SYNE1: variants seen among roughly 807,000 people sequenced by gnomAD.
SYNE1 encodes nesprin-1.
In SYNE1, 616 loss-of-function variants were observed where a neutral mutation model predicts 1,111.0. That is an observed-to-expected ratio of 0.55 (90% CI 0.52 to 0.59). SYNE1 has a LOEUF of 0.59. SYNE1 is among the 20% of genes least tolerant of loss of function. The pLI, the probability that SYNE1 is intolerant of heterozygous loss-of-function variation, is 0.00. For missense variants in SYNE1, 10,006 were observed against 10,417.0 expected (o/e 0.96, Z 1.72); for synonymous variants, 3,855 against 3,825.8 (o/e 1.01, Z -0.28).
Position 152,455,561 on chromosome 6 carries a change from C to T in SYNE1, c.2757G>A (p.Lys919=), listed in dbSNP as rs1400763252. ...QSMVKKTGDW[K]KHVETNSRLM... is the part of the protein sequence containing the mutation. ...AGCGACTGTTGGTTTCCACATGCTTCTTCCAATCTCCAGTTTTCTTTACCA... is the reference window on the plus strand; with the variant it reads ...AGCGACTGTTGGTTTCCACATGCTTTTTCCAATCTCCAGTTTTCTTTACCA... Residue 919 remains lysine (K), a synonymous_variant, in exon 24 of 146, where the codon AAG becomes AAA. Coordinates refer to ENST00000367255, the MANE Select transcript of SYNE1 (RefSeq NM_182961.4). The T allele has an allele frequency of 1.9e-6, 3 of 1,614,036 alleles. No homozygotes were observed. The highest frequency in any genetic ancestry group is 1.7e-5 in the Admixed American group (1 of 59,992).
chr6:152,166,085 T>C (rs1369747886), intron 130 of SYNE1, among the ~76,000 whole-genome samples: 4 of 152,208 alleles, frequency 2.6e-5, no homozygotes, highest in Non-Finnish European at 5.9e-5. Context: ...GAACACTTAC[T>C]AGGCTTGGGG....
intron 142 of SYNE1, 68 bp downstream of exon 142, chr6:152,135,036 C>T (rs1562920408): frequency 1.0e-5 from 16 of 1,607,114 alleles, no homozygotes; most frequent in Non-Finnish European, 1.4e-5. Context: ...CACTTATATT[C>T]ATTTTCTGTA....
At chr6:152,627,815 A>T (rs894640610) in intron 3 of SYNE1, among the ~76,000 whole-genome samples, 10 of 152,176 alleles carry the variant, frequency 6.6e-5, no homozygotes, top group African/African-American at 2.4e-4. Context: ...TTCTTAAAAA[A>T]ATTCTAAATA....
At chr6:152,463,668 A>G in intron 18 of SYNE1, 151 bp from the exon 19 acceptor site, 1 of 768,210 alleles carries the variant, frequency 1.3e-6, no homozygotes, top group Non-Finnish European at 2.2e-6. Context: ...CACATTTTTG[A>G]TAAAAAGTTT....
At chr6:152,196,620 C>G (rs2074194909) in intron 127 of SYNE1, among the ~76,000 whole-genome samples, 1 of 151,870 alleles carries the variant, frequency 6.6e-6, no homozygotes, top group Admixed American at 6.6e-5. Context: ...TGCCCAGTAC[C>G]CTATCTTACT....
intron 95 of SYNE1, 89 bp downstream of exon 95, chr6:152,293,499 G>C: frequency 1.4e-6 from 2 of 1,469,946 alleles, no homozygotes; most frequent in Non-Finnish European, 9.5e-7. Context: ...AAGTCACCTG[G>C]CTGTCTCAAA....
At chr6:152,539,068 G>A (rs1276802211) in intron 4 of SYNE1, among the ~76,000 whole-genome samples, 1 of 152,148 alleles carries the variant, frequency 6.6e-6, no homozygotes, top group Non-Finnish European at 1.5e-5. Flanking sequence ...ATCAAAACCT[G>A]CTTGTAGGGT....
intron 12 of SYNE1, 61 bp downstream of exon 12, chr6:152,488,335 A>G: frequency 2.4e-6 from 2 of 850,168 alleles, no homozygotes; most frequent in Admixed American, 2.0e-5. Context: ...ATCAAATGAC[A>G]TATATAAATA....
At chr6:152,247,758 C>T (rs1272885379) in intron 105 of SYNE1, among the ~76,000 whole-genome samples, 82 of 138,024 alleles carry the variant, frequency 5.9e-4, no homozygotes, top group African/African-American at 1.7e-3. Flanking sequence ...TATACACACA[C>T]ACACACACAC....
chr6:152,231,646 C>G, intron 113 of SYNE1, 79 bp from the exon 114 acceptor site: 1 of 1,418,112 alleles, frequency 7.1e-7, no homozygotes, highest in South Asian at 1.2e-5. Context: ...CCTTAAGTAA[C>G]CTTAATATTA....
intron 102 of SYNE1, 105 bp downstream of exon 102, chr6:152,256,529 A>G: frequency 6.7e-7 from 1 of 1,488,342 alleles, no homozygotes; most frequent in Admixed American, 1.8e-5. Flanking sequence ...GTTGGGTCTC[A>G]TGCTCAGGGG....
Position 152,219,569 on chromosome 6 carries a change from C to G in SYNE1, c.21862-384G>C, listed in dbSNP as rs186033477. Among the ~76,000 whole-genome samples the G allele has an allele frequency of 5.1e-3, 759 of 150,222 alleles. 1 individual carries two copies. Among genetic ancestry groups the G allele is most frequent in the Non-Finnish European group, 9.0e-3 (607 of 67,736 alleles). Reference sequence around the variant, plus strand: ...TATTTTGGCAGTTTTTTTCCTGCCTCTTTATGTAATTTGTATCAAATTGAA... The same window carrying G: ...TATTTTGGCAGTTTTTTTCCTGCCTGTTTATGTAATTTGTATCAAATTGAA... On this transcript the variant is annotated intron_variant, in intron 119 of 145. Coordinates refer to ENST00000367255, the MANE Select transcript of SYNE1 (RefSeq NM_182961.4).
chr6:152,262,229 A>G (rs1250851059), intron 100 of SYNE1, 41 bp from the exon 101 acceptor site: 1 of 1,581,968 alleles, frequency 6.3e-7, no homozygotes, highest in South Asian at 1.1e-5. Flanking sequence ...AATGTGCACA[A>G]AAAAGTGATA....
At chr6:152,577,608 G>A (rs1171666384) in intron 3 of SYNE1, among the ~76,000 whole-genome samples, 1 of 152,094 alleles carries the variant, frequency 6.6e-6, no homozygotes, top group Non-Finnish European at 1.5e-5. Flanking sequence ...ACTCCAGCCT[G>A]GGGGACAGAG....
chr6:152,300,924 T>C, intron 92 of SYNE1, 143 bp from the exon 93 acceptor site: 2 of 1,159,538 alleles, frequency 1.7e-6, no homozygotes, highest in Non-Finnish European at 2.5e-6. Flanking sequence ...ATTAATCCTG[T>C]GTTAGTATTT....
intron 14 of SYNE1, among the ~76,000 whole-genome samples, chr6:152,473,132 C>T (rs1383473844): frequency 6.6e-6 from 1 of 152,046 alleles, no homozygotes; most frequent in Non-Finnish European, 1.5e-5. Context: ...AAAAGATGTA[C>T]ATGTATTTTA....
intron 104 of SYNE1, 25 bp downstream of exon 104, chr6:152,254,855 T>C: frequency 6.2e-7 from 1 of 1,600,356 alleles, no homozygotes; most frequent in South Asian, 1.1e-5. Context: ...AATGGTCACG[T>C]ATCCTTTGAT....
chr6:152,485,508 T>A lies in SYNE1; in HGVS notation c.1048-536A>T, dbSNP rs148411361. Among the ~76,000 whole-genome samples the A allele has an allele frequency of 3.1e-3, 475 of 152,344 alleles. 5 individuals carry two copies. The highest frequency in any genetic ancestry group is 1.0e-2 in the African/African-American group (415 of 41,580). On this transcript the variant is annotated intron_variant, in intron 12 of 145. Coordinates refer to ENST00000367255, the MANE Select transcript of SYNE1 (RefSeq NM_182961.4). ...TAAAGAGGTTTACTTTAGGGGACCA[T>A]GTTTACATGATAATCCTTTGCTTTA... is the stretch of plus-strand genomic sequence containing the variant.
chr6:152,579,466 AT>A (rs1314053857), intron 3 of SYNE1, among the ~76,000 whole-genome samples: 1 of 152,340 alleles, frequency 6.6e-6, no homozygotes, highest in East Asian at 1.9e-4. Context: ...CTTTCAGAAG[AT>A]TCCAGCCACC....
Sources: gnomAD v4.1 joint callset for allele counts (sites outside exome capture counted in the v4.1 genomes callset) on GRCh38, gnomAD v4.1.1 for gene constraint, MANE v1.5 for transcripts, NCBI Gene and HGNC (gene_info 2026-07-23, HGNC 2026-07-21) for gene names.